VPS13B: variants seen among roughly 807,000 people sequenced by gnomAD.
VPS13B encodes the protein vacuolar protein sorting 13 homolog B, also known as intermembrane lipid transfer protein VPS13B.
VPS13B carries 285 observed loss-of-function variants against 426.4 expected under a neutral mutation model. The observed-to-expected ratio is 0.67, with a 90% CI of 0.61 to 0.74. The LOEUF (loss-of-function observed/expected upper bound fraction) is 0.74, where lower values mean the gene tolerates loss of function less well. Among genes scored for constraint, VPS13B ranks in the 30% least tolerant of loss-of-function variants. VPS13B has a pLI of 0.00. For synonymous variants in VPS13B, 1,676 were observed against 1,676.4 expected (o/e 1.00, Z 0.01); for missense variants, 4,537 against 4,782.6 (o/e 0.95, Z 1.51).
intron 3 of VPS13B, among the ~76,000 whole-genome samples, chr8:99,067,157 G>C (rs573338475): frequency 9.2e-5 from 14 of 152,274 alleles, no homozygotes; most frequent in Non-Finnish European, 1.8e-4. Context: ...ATACCCAAAA[G>C]AATATAAATC....
chr8:99,819,803 T>G (rs1419469939), intron 48 of VPS13B, 118 bp from the exon 49 acceptor site: 1 of 1,353,198 alleles, frequency 7.4e-7, no homozygotes, highest in Non-Finnish European at 1.0e-6. Context: ...CATTGAAAGA[T>G]TCTGGTATGA....
At chr8:99,313,353 A>G (rs1355287493) in intron 19 of VPS13B, among the ~76,000 whole-genome samples, 1 of 152,064 alleles carries the variant, frequency 6.6e-6, no homozygotes, top group Non-Finnish European at 1.5e-5. Context: ...TTTGGTGTGG[A>G]TGTCCTTTCT....
chr8:99,681,734 A>G (rs948899997), intron 35 of VPS13B, among the ~76,000 whole-genome samples: 6 of 152,228 alleles, frequency 3.9e-5, no homozygotes, highest in Admixed American at 1.3e-4. Flanking sequence ...TAGATTTTCA[A>G]ACGTTCTAAA....
At chr8:99,751,348 C>T (rs1810384766) in intron 39 of VPS13B, among the ~76,000 whole-genome samples, 1 of 152,078 alleles carries the variant, frequency 6.6e-6, no homozygotes, top group African/African-American at 2.4e-5. Context: ...AGATCTCTTC[C>T]ACTGATAGTT....
intron 2 of VPS13B, among the ~76,000 whole-genome samples, chr8:99,037,337 C>T (rs552273179): frequency 1.3e-5 from 2 of 151,552 alleles, no homozygotes; most frequent in South Asian, 2.1e-4. Flanking sequence ...TAATAATAAG[C>T]ACCTTTATAA....
rs531821675 is a variant in VPS13B, at chr8:99,428,414, C to T, written c.3083-3123C>T. Reference sequence around the variant, plus strand: ...CTGACAAAGGGCTAATATCCAGAATCTACAATGAACTCAAACAAATTTACA... The same window carrying T: ...CTGACAAAGGGCTAATATCCAGAATTTACAATGAACTCAAACAAATTTACA... On this transcript the variant is annotated intron_variant, in intron 21 of 61. Coordinates refer to ENST00000357162, the MANE Select transcript of VPS13B (RefSeq NM_152564.5). Among the ~76,000 whole-genome samples the T allele has an allele frequency of 1.3e-3, 202 of 152,260 alleles. No individual in the cohort carries two copies. The Middle Eastern group carries it at 0.02, about 15-fold the overall frequency.
chr8:99,299,990 A>G (rs899071132), intron 19 of VPS13B, among the ~76,000 whole-genome samples: 3 of 152,226 alleles, frequency 2.0e-5, no homozygotes, highest in Non-Finnish European at 4.4e-5. Flanking sequence ...TTATATGATC[A>G]TATAACTACT....
Position 99,244,602 on chromosome 8 carries a change from G to A in VPS13B, c.2516-29596G>A, listed in dbSNP as rs563516785. Among the ~76,000 whole-genome samples the A allele has an allele frequency of 2.2e-4, 34 of 152,232 alleles. No homozygotes were observed. The Middle Eastern group carries it at 0.031, about 137-fold the overall frequency. On this transcript the variant is annotated intron_variant, in intron 17 of 61. Transcript: ENST00000357162. ...TTAAAAAAGTTATCCTCACATTTTC[G>A]CCTTGGAGTTATTCGGATAAGAATG...
chr8:99,543,757 A>T (rs1439322005), intron 30 of VPS13B, among the ~76,000 whole-genome samples: 1 of 151,646 alleles, frequency 6.6e-6, no homozygotes, highest in African/African-American at 2.4e-5. Flanking sequence ...TCAAAACCAC[A>T]ATGAGATACC....
At chr8:99,349,058 G>C (rs1811709199) in intron 19 of VPS13B, among the ~76,000 whole-genome samples, 2 of 151,644 alleles carry the variant, frequency 1.3e-5, no homozygotes, top group East Asian at 1.9e-4. Context: ...TAGCGGCCGG[G>C]CGCGGTGGCT....
intron 11 of VPS13B, among the ~76,000 whole-genome samples, chr8:99,136,199 C>T (rs1810061117): frequency 6.6e-6 from 1 of 151,836 alleles, no homozygotes; most frequent in Non-Finnish European, 1.5e-5. Flanking sequence ...ACATTTTACT[C>T]TTTTTTTATC....
At chr8:99,351,431 A>AGTGT (rs1476078907) in intron 19 of VPS13B, among the ~76,000 whole-genome samples, 2,210 of 147,566 alleles carry the variant, frequency 0.015, 59 homozygotes, top group African/African-American at 0.047. Context: ...AGAGAGAGAG[A>AGTGT]GAGAGTGTGT....
In VPS13B at chr8:99,876,775, A is replaced by G. The variant is rs1817719427; in HGVS notation, c.*1109A>G. 2 of 152,162 alleles carry G rather than the reference A, an allele frequency of 1.3e-5. No homozygotes were observed. Among genetic ancestry groups the G allele is most frequent in the Admixed American group, 1.3e-4 (2 of 15,274 alleles). The allele number at this position is 152,162 out of a possible 1,614,324, so 9.4% of individuals were successfully genotyped here. A position where few individuals can be genotyped will look rare whatever the true frequency, so the allele number is the denominator to read the frequency against. On this transcript the variant is annotated 3_prime_UTR_variant, in exon 62 of 62. Coordinates refer to ENST00000357162, the MANE Select transcript of VPS13B (RefSeq NM_152564.5). Reference sequence around the variant, plus strand: ...GCTTAGAGCATGTTTGCTGATTGATATTACATTTAAACTTGGGGCTACAGC... The same window carrying G: ...GCTTAGAGCATGTTTGCTGATTGATGTTACATTTAAACTTGGGGCTACAGC...
intron 31 of VPS13B, among the ~76,000 whole-genome samples, chr8:99,565,185 T>C (rs924204072): frequency 2.0e-5 from 3 of 152,184 alleles, no homozygotes; most frequent in Non-Finnish European, 2.9e-5. Flanking sequence ...TTTGCAAAAG[T>C]ACACTTAAAA....
chr8:99,420,790 A>G (rs1816326192), intron 21 of VPS13B, among the ~76,000 whole-genome samples: 1 of 152,190 alleles, frequency 6.6e-6, no homozygotes, highest in Admixed American at 6.5e-5. Flanking sequence ...GCTCTAGAAG[A>G]AGGACCAAAT....
intron 3 of VPS13B, among the ~76,000 whole-genome samples, chr8:99,077,684 A>G (rs1187287199): frequency 6.6e-6 from 1 of 151,936 alleles, no homozygotes; most frequent in Non-Finnish European, 1.5e-5. Flanking sequence ...TGATTTTGAT[A>G]GCTTGAGTAT....
intron 19 of VPS13B, among the ~76,000 whole-genome samples, chr8:99,296,783 A>T (rs537798455): frequency 6.6e-6 from 1 of 152,310 alleles, no homozygotes; most frequent in East Asian, 1.9e-4. Context: ...TCCTTCTGCC[A>T]CGTGAGGACA....
intron 33 of VPS13B, among the ~76,000 whole-genome samples, chr8:99,588,271 T>C (rs1826415210): frequency 1.3e-5 from 2 of 151,804 alleles, no homozygotes; most frequent in Non-Finnish European, 2.9e-5. Flanking sequence ...AGCTTTGTTC[T>C]TTTTGCTTAG....
At chr8:99,835,486 C>A in intron 53 of VPS13B, 53 bp from the exon 54 acceptor site, 1 of 1,573,142 alleles carries the variant, frequency 6.4e-7, no homozygotes, top group East Asian at 2.2e-5. Context: ...TTCTGTCCCC[C>A]AAGTCTCTGT....
Sources: gnomAD v4.1 joint callset for allele counts (sites outside exome capture counted in the v4.1 genomes callset) on GRCh38, gnomAD v4.1.1 for gene constraint, MANE v1.5 for transcripts, NCBI Gene and HGNC (gene_info 2026-07-23, HGNC 2026-07-21) for gene names.